ASB3: variants seen among roughly 807,000 people sequenced by gnomAD.
The protein encoded by ASB3 is ankyrin repeat and SOCS box containing 3, also known as ankyrin repeat and SOCS box protein 3.
ASB3 carries 41 observed loss-of-function variants against 54.5 expected under a neutral mutation model. The ratio of observed to expected loss-of-function variants is 0.75; its 90% confidence interval spans 0.59 to 0.98. ASB3 has a LOEUF of 0.98. Among genes scored for constraint, ASB3 ranks in the 50% least tolerant of loss-of-function variants. ASB3 has a pLI of 0.00. For synonymous variants in ASB3, 266 were observed against 221.2 expected (o/e 1.20, Z -1.80); for missense variants, 733 against 620.0 (o/e 1.18, Z -1.94).
chr2:53,681,703 G>A (rs1011873069), intron 9 of ASB3, among the ~76,000 whole-genome samples: 11 of 152,014 alleles, frequency 7.2e-5, no homozygotes, highest in African/African-American at 2.7e-4. Context: ...TCTCTATTCT[G>A]TTTCATTGGT....
At chr2:53,748,481 G>A (rs1672347280) in intron 3 of ASB3, 1 of 152,138 alleles carries the variant, frequency 6.6e-6, no homozygotes, top group Non-Finnish European at 1.5e-5. Flanking sequence ...TTAAACCAAA[G>A]CTTCCATGAA....
chr2:53,735,030 C>T (rs1355624699), intron 3 of ASB3, among the ~76,000 whole-genome samples: 2 of 151,280 alleles, frequency 1.3e-5, no homozygotes, highest in East Asian at 3.9e-4. Context: ...AGCGAATCTC[C>T]TGCCTCAGCC....
chr2:53,671,646 C>A (rs931405548), intron 9 of ASB3, among the ~76,000 whole-genome samples: 2 of 151,902 alleles, frequency 1.3e-5, no homozygotes, highest in African/African-American at 4.8e-5. Context: ...GTAATCCCAC[C>A]TACTAGGGAG....
chr2:53,771,812 A>C (rs1407061734), intron 1 of ASB3: 1 of 760,132 alleles, frequency 1.3e-6, no homozygotes, highest in Non-Finnish European at 2.3e-6. Context: ...GAGCAAATAT[A>C]ATTCAAATAT....
chr2:53,756,258 T>C (rs1158346689), intron 2 of ASB3, among the ~76,000 whole-genome samples: 9 of 152,226 alleles, frequency 5.9e-5, no homozygotes, highest in African/African-American at 4.8e-5. Flanking sequence ...ATCATTCTAA[T>C]AGTAGAATCC....
At position 53,671,694 on chromosome 2, in the gene ASB3, G is replaced by A. The variant is rs565950716; in HGVS notation, c.1370-1004C>T. Among the ~76,000 whole-genome samples, 11 of 145,870 alleles carry A rather than the reference G, an allele frequency of 7.5e-5. 2 individuals carry two copies. The South Asian group carries it at 1.9e-3, about 25-fold the overall frequency. On this transcript the variant is annotated intron_variant, in intron 9 of 9. Transcript: ENST00000263634. Reference sequence around the variant, plus strand: ...TAATTGCTTGAACCTGGGAGGCGGAGGTTGCAGTGAGCCGAGATCATGCCA... The same window carrying A: ...TAATTGCTTGAACCTGGGAGGCGGAAGTTGCAGTGAGCCGAGATCATGCCA...
intron 3 of ASB3, among the ~76,000 whole-genome samples, chr2:53,741,335 G>C (rs1671923574): frequency 6.6e-6 from 1 of 152,190 alleles, no homozygotes. Flanking sequence ...GTACAGCAGG[G>C]CTACTCAACA....
intron 7 of ASB3, among the ~76,000 whole-genome samples, chr2:53,707,764 C>T (rs1385279202): frequency 6.6e-6 from 1 of 151,714 alleles, no homozygotes; most frequent in African/African-American, 2.4e-5. Flanking sequence ...GAGTTATAGA[C>T]CAGCTTGGCC....
intron 2 of ASB3, among the ~76,000 whole-genome samples, chr2:53,763,062 T>C (rs1056655788): frequency 6.6e-6 from 1 of 152,186 alleles, no homozygotes; most frequent in African/African-American, 2.4e-5. Context: ...TAATATTAGA[T>C]AAACCTCAGG....
chr2:53,699,547 G>A (rs1287452449), intron 8 of ASB3, among the ~76,000 whole-genome samples: 4 of 152,220 alleles, frequency 2.6e-5, no homozygotes. Context: ...AAACACGAAA[G>A]TGAAGACTTC....
At chr2:53,731,157 T>G (rs534310204) in intron 3 of ASB3, among the ~76,000 whole-genome samples, 1 of 152,258 alleles carries the variant, frequency 6.6e-6, no homozygotes, top group Admixed American at 6.5e-5. Flanking sequence ...ATCCCAGCAC[T>G]TTGGGAGGCT....
intron 7 of ASB3, among the ~76,000 whole-genome samples, chr2:53,706,648 T>C (rs1485636067): frequency 2.6e-5 from 4 of 152,098 alleles, no homozygotes; most frequent in Non-Finnish European, 5.9e-5. Context: ...GGTTTCAGCA[T>C]GTTAGCCAGG....
intron 9 of ASB3, among the ~76,000 whole-genome samples, chr2:53,679,858 A>C (rs1295382606): frequency 1.3e-5 from 2 of 152,140 alleles, no homozygotes; most frequent in Non-Finnish European, 2.9e-5. Flanking sequence ...TATTAAGCCT[A>C]GTACTCATTC....
Position 53,728,834 on chromosome 2 carries a change from A to G in ASB3, c.482T>C (p.Ile161Thr). 6.2e-7 allele frequency: 1 copy of G among 1,605,108 alleles called. No homozygotes were observed. The highest frequency in any genetic ancestry group is 8.5e-7 in the Non-Finnish European group (1 of 1,175,534). Residue 161 changes from isoleucine (I) to threonine (T), a missense_variant, in exon 5 of 10, where the codon ATC becomes ACC. Coordinates refer to ENST00000263634, the MANE Select transcript of ASB3 (RefSeq NM_016115.5). ...HQASFQENAE[I>T]IKLLLRKGAN... ...TCCTTTTCTAAGAAGCAATTTTATG[A>G]TCTCAGCATTTTCCTAAAGCACAGA... is the stretch of plus-strand genomic sequence containing the variant.
At chr2:53,680,529 G>A (rs1668314340) in intron 9 of ASB3, among the ~76,000 whole-genome samples, 2 of 152,096 alleles carry the variant, frequency 1.3e-5, no homozygotes, top group African/African-American at 4.8e-5. Flanking sequence ...TTGTTGGCTG[G>A]ATGTGTGTCT....
intron 9 of ASB3, among the ~76,000 whole-genome samples, chr2:53,683,062 G>C (rs990767880): frequency 2.6e-5 from 4 of 152,242 alleles, no homozygotes; most frequent in African/African-American, 9.6e-5. Flanking sequence ...CCAGATCTTA[G>C]AGGAAAAGCT....
intron 7 of ASB3, among the ~76,000 whole-genome samples, chr2:53,706,598 G>T (rs906673967): frequency 6.6e-6 from 1 of 151,940 alleles, no homozygotes; most frequent in Admixed American, 6.6e-5. Flanking sequence ...GGCACGTGCC[G>T]CCACGCCTGA....
At chr2:53,741,770 T>G (rs1671946243) in intron 3 of ASB3, among the ~76,000 whole-genome samples, 1 of 152,174 alleles carries the variant, frequency 6.6e-6, no homozygotes, top group Non-Finnish European at 1.5e-5. Flanking sequence ...TTACTTTTCT[T>G]AGAAATCATC....
chr2:53,752,617 C>T (rs1672579588), intron 2 of ASB3, among the ~76,000 whole-genome samples: 1 of 152,266 alleles, frequency 6.6e-6, no homozygotes. Flanking sequence ...TTTAGGCAAG[C>T]CCCCTGTGCA....
Sources: gnomAD v4.1 joint callset for allele counts (sites outside exome capture counted in the v4.1 genomes callset) on GRCh38, gnomAD v4.1.1 for gene constraint, MANE v1.5 for transcripts, NCBI Gene and HGNC (gene_info 2026-07-23, HGNC 2026-07-21) for gene names.